The following CADPS2 variants were observed in gnomAD, a reference collection of about 807,000 sequenced individuals.
CADPS2 encodes the protein calcium-dependent secretion activator 2.
A neutral mutation model predicts 172.5 loss-of-function variants in CADPS2; 93 were observed. The ratio of observed to expected loss-of-function variants is 0.54; its 90% CI spans 0.46 to 0.64. CADPS2 has a LOEUF of 0.64. Among genes scored for constraint, CADPS2 ranks in the 30% least tolerant of loss-of-function variants. CADPS2 has a pLI of 0.00. For missense variants in CADPS2, 1,420 were observed against 1,565.9 expected, an observed-to-expected ratio of 0.91 and a Z score of 1.57; for synonymous variants, 546 against 555.2, an observed-to-expected ratio of 0.98 and a Z score of 0.23.
At chr7:122,711,155 C>T (rs2136698138) in intron 2 of CADPS2, among the ~76,000 whole-genome samples, 1 of 152,178 alleles carries the variant, frequency 6.6e-6, no homozygotes, top group Non-Finnish European at 1.5e-5. Flanking sequence ...GGATCAGAGG[C>T]CATCTGTCTT....
intron 2 of CADPS2, among the ~76,000 whole-genome samples, chr7:122,735,189 C>G (rs1012880864): frequency 6.6e-6 from 1 of 152,102 alleles, no homozygotes; most frequent in Non-Finnish European, 1.5e-5. Context: ...CCAGTCCATT[C>G]TATTTTGGGG....
At chr7:122,715,039 G>A (rs2089389851) in intron 2 of CADPS2, among the ~76,000 whole-genome samples, 1 of 152,114 alleles carries the variant, frequency 6.6e-6, no homozygotes, top group South Asian at 2.1e-4. Context: ...CTTGACTACA[G>A]ACTTCTGGCC....
intron 14 of CADPS2, among the ~76,000 whole-genome samples, chr7:122,457,545 G>A (rs1302782950): frequency 6.6e-6 from 1 of 152,140 alleles, no homozygotes; most frequent in Non-Finnish European, 1.5e-5. Context: ...CCCTTTTGGA[G>A]GTTCACAGAA....
chr7:122,514,218 A>C (rs914491790), intron 8 of CADPS2, among the ~76,000 whole-genome samples: 1 of 152,058 alleles, frequency 6.6e-6, no homozygotes, highest in East Asian at 1.9e-4. Context: ...ACAGAGGCCT[A>C]ATTTTAAGAC....
chr7:122,838,835 T>G (rs1809439474), intron 1 of CADPS2, among the ~76,000 whole-genome samples: 1 of 152,206 alleles, frequency 6.6e-6, no homozygotes, highest in Non-Finnish European at 1.5e-5. Context: ...ATCAATATCG[T>G]GAAAACGGTC....
chr7:122,477,058 G>C (rs1342259975), intron 12 of CADPS2, among the ~76,000 whole-genome samples: 1 of 129,620 alleles, frequency 7.7e-6, no homozygotes, highest in Non-Finnish European at 1.6e-5. Flanking sequence ...AGAGAAGAGA[G>C]AGAGAGAGAG....
At chr7:122,621,939 G>GA (rs962624730) in intron 4 of CADPS2, among the ~76,000 whole-genome samples, 4 of 151,968 alleles carry the variant, frequency 2.6e-5, no homozygotes, top group African/African-American at 4.8e-5. Flanking sequence ...AGTACAAAAT[G>GA]AAAAAATCGC....
chr7:122,821,863 C>A (rs1052618699), intron 1 of CADPS2, among the ~76,000 whole-genome samples: 1 of 152,102 alleles, frequency 6.6e-6, no homozygotes, highest in Non-Finnish European at 1.5e-5. Context: ...GAATTCAGGC[C>A]TGTCCTCGGA....
At chr7:122,774,864 A>G (rs2093826035) in intron 1 of CADPS2, among the ~76,000 whole-genome samples, 1 of 152,154 alleles carries the variant, frequency 6.6e-6, no homozygotes, top group Non-Finnish European at 1.5e-5. Context: ...TTTTAATAAG[A>G]TGGTATGTGT....
chr7:122,761,314 G>A lies in CADPS2; in HGVS notation c.340-24246C>T, dbSNP rs374230817. On this transcript the variant is annotated intron_variant, in intron 1 of 29. Coordinates refer to ENST00000449022, the MANE Select transcript of CADPS2 (RefSeq NM_017954.11). ...CTCATTCCTGGAACATGGGCAGCCA[G>A]GCCAATACTCATCTCTGAGGAATCA... Among the ~76,000 whole-genome samples the A allele has an allele frequency of 2.7e-4, 41 of 152,264 alleles. No individual in the cohort carries two copies. In the East Asian group the frequency reaches 6.6e-3, roughly 24 times the overall value.
chr7:122,850,317 A>G (rs1185951421), intron 1 of CADPS2: 3 of 483,536 alleles, frequency 6.2e-6, no homozygotes, highest in South Asian at 4.3e-5. Context: ...TTCTCCTCCA[A>G]TGCAGACATG....
intron 8 of CADPS2, among the ~76,000 whole-genome samples, chr7:122,517,390 T>C (rs1046355479): frequency 2.0e-5 from 3 of 152,088 alleles, no homozygotes; most frequent in Admixed American, 6.6e-5. Flanking sequence ...TGTGTAGGCA[T>C]GTCTTCATTT....
chr7:122,451,543 T>C (rs1378834585), intron 14 of CADPS2, 68 bp from the exon 15 acceptor site: 31 of 868,786 alleles, frequency 3.6e-5, no homozygotes, highest in African/African-American at 3.6e-5. Flanking sequence ...TTTATACATA[T>C]GTATATTTAA....
intron 1 of CADPS2, among the ~76,000 whole-genome samples, chr7:122,767,191 C>T (rs927579408): frequency 1.3e-5 from 2 of 152,154 alleles, no homozygotes; most frequent in Non-Finnish European, 2.9e-5. Context: ...TTTTCCCCTA[C>T]ATAGTTCAGA....
At chr7:122,455,839 TGGGATTACA>T (rs1232769233) in intron 14 of CADPS2, among the ~76,000 whole-genome samples, 2 of 152,070 alleles carry the variant, frequency 1.3e-5, no homozygotes, top group African/African-American at 4.8e-5. Flanking sequence ...CCCAAGTGGC[TGGGATTACA>T]GGTGTGCACC....
chr7:122,559,278 A>C (rs1347073963), intron 7 of CADPS2, among the ~76,000 whole-genome samples: 1 of 152,078 alleles, frequency 6.6e-6, no homozygotes, highest in Non-Finnish European at 1.5e-5. Flanking sequence ...CCTAGAAAAA[A>C]ACACATGATT....
intron 24 of CADPS2, 28 bp downstream of exon 24, chr7:122,386,998 C>T (rs1454366360): frequency 4.5e-6 from 7 of 1,549,914 alleles, no homozygotes; most frequent in Non-Finnish European, 6.1e-6. Flanking sequence ...CCTGTGCTGC[C>T]TTTCCCCATG....
chr7:122,444,431 A>G (rs1036429729), intron 15 of CADPS2, among the ~76,000 whole-genome samples: 2 of 152,160 alleles, frequency 1.3e-5, no homozygotes, highest in South Asian at 2.1e-4. Context: ...CCAACAGCAT[A>G]TAAGAGTTCC....
In CADPS2 at chr7:122,849,780, GC is replaced by G. The variant is rs377092660; in HGVS notation, c.339+36218del. The G allele has an allele frequency of 1.1e-3, 539 of 480,240 alleles. 2 individuals are homozygous for G. Among genetic ancestry groups the G allele is most frequent in the African/African-American group, 0.01 (502 of 49,646 alleles). 29.7% of individuals were successfully genotyped at this position (480,240 alleles called of 1,614,324 possible). A position where few individuals can be genotyped will look rare whatever the true frequency, so the allele number is the denominator to read the frequency against. On this transcript the variant is annotated intron_variant, in intron 1 of 29. Transcript: ENST00000449022. ...GCCAGTAAAAACTGTCCCCAAGCCA[GC>G]CCCCAGCCCTCTCCCTTTACATCAT...
Sources: gnomAD v4.1 joint callset for allele counts (sites outside exome capture counted in the v4.1 genomes callset) on GRCh38, gnomAD v4.1.1 for gene constraint, MANE v1.5 for transcripts, NCBI Gene and HGNC (gene_info 2026-07-23, HGNC 2026-07-21) for gene names.